The following DHX35 variants were observed in gnomAD, a reference collection of about 807,000 sequenced individuals.
DHX35 encodes DEAH-box helicase 35.
In DHX35, 84 loss-of-function variants were observed where a neutral mutation model predicts 99.6. The ratio of observed to expected loss-of-function variants is 0.84; its 90% confidence interval spans 0.71 to 1.01. DHX35 has a LOEUF of 1.01. Ranked by LOEUF, DHX35 falls within the 50% of genes least tolerant of loss-of-function variation. The pLI is 0.00. For synonymous variants in DHX35, 331 were observed against 316.2 expected (o/e 1.05, Z -0.50); for missense variants, 852 against 888.5 (o/e 0.96, Z 0.52).
intron 20 of DHX35, among the ~76,000 whole-genome samples, chr20:39,032,949 G>C (rs570378336): frequency 6.6e-6 from 1 of 152,294 alleles, no homozygotes; most frequent in East Asian, 1.9e-4. Flanking sequence ...ACGCACACTC[G>C]TGTGCAGGAT....
rs138208319 is a variant in DHX35 at position 39,009,800 on chromosome 20, A to G, written c.1223-480A>G. ...TTTGGGGCAGCATTGGATTCTGGGA[A>G]TGATATTGTGTACCTGGCTTGTTGA... On this transcript the variant is annotated intron_variant, in intron 12 of 21. Coordinates refer to ENST00000252011, the MANE Select transcript of DHX35 (RefSeq NM_021931.4). 9.2e-5 allele frequency among the ~76,000 whole-genome samples: 14 copies of G among 152,262 alleles called. No individual in the cohort carries two copies. The East Asian group carries it at 2.3e-3, about 25-fold the overall frequency.
chr20:39,016,991 G>T (rs980382250), intron 14 of DHX35, among the ~76,000 whole-genome samples: 1 of 148,744 alleles, frequency 6.7e-6, no homozygotes, highest in Non-Finnish European at 1.5e-5. Flanking sequence ...TTACTTACAT[G>T]TACTTACTTT....
At chr20:39,036,726 C>CCAAAAA (rs1568767834) in intron 21 of DHX35, among the ~76,000 whole-genome samples, 2 of 51,664 alleles carry the variant, frequency 3.9e-5, no homozygotes, top group African/African-American at 1.6e-4. Flanking sequence ...ACTGTCCCCC[C>CCAAAAA]AAAAAAAAAA....
chr20:38,987,367 C>T (rs761248182), intron 4 of DHX35, among the ~76,000 whole-genome samples: 4 of 152,084 alleles, frequency 2.6e-5, no homozygotes, highest in Non-Finnish European at 4.4e-5. Context: ...CAGCCTCCTG[C>T]GAGTAGCTGG....
rs754752451 is a variant in DHX35, at chr20:39,018,802, A to C, written c.1403-2A>C. On this transcript the variant is annotated splice_acceptor_variant, in intron 14 of 21. Transcript: ENST00000252011. LOFTEE classifies it high-confidence loss of function. ...TGATTTCTTTTGTTGTTCTTATGGC[A>C]GGTCTGGACAAAGACTGTCGCCTAA... The C allele has an allele frequency of 6.2e-7, 1 of 1,613,576 alleles. No homozygotes were observed. The highest frequency in any genetic ancestry group is 1.3e-5 in the African/African-American group (1 of 74,988).
At chr20:39,035,462 A>G (rs1005315314) in intron 21 of DHX35, among the ~76,000 whole-genome samples, 18 of 152,260 alleles carry the variant, frequency 1.2e-4, no homozygotes, top group African/African-American at 4.3e-4. Context: ...TGTTTACAGC[A>G]GAAGAGAAAG....
intron 8 of DHX35, among the ~76,000 whole-genome samples, chr20:38,999,522 C>G (rs537681569): frequency 1.3e-5 from 2 of 152,322 alleles, no homozygotes; most frequent in South Asian, 2.1e-4. Flanking sequence ...ATCTCAGTCT[C>G]TTTCTCATGA....
rs762045826 is a variant in DHX35 at position 39,010,369 on chromosome 20, G to T, written c.1312G>T (p.Gly438Ter). Residue 438 changes from glycine to a stop codon, truncating the protein, a stop_gained, in exon 13 of 22, where the codon GGA becomes TGA. Transcript: ENST00000252011. LOFTEE classifies it high-confidence loss of function. Reference sequence around the variant, plus strand: ...TGTCATCCTGCAGCTGAAAGCACTAGGAATTGACAATGTCCTCAGGTTCCA... The same window carrying T: ...TGTCATCCTGCAGCTGAAAGCACTATGAATTGACAATGTCCTCAGGTTCCA... ...APVILQLKAL[G>*]IDNVLRFHFM... The T allele has an allele frequency of 1.2e-6, 2 of 1,614,178 alleles. No individual in the cohort carries two copies. Among genetic ancestry groups the T allele is most frequent in the Non-Finnish European group, 1.7e-6 (2 of 1,180,018 alleles).
intron 3 of DHX35, among the ~76,000 whole-genome samples, chr20:38,974,272 T>A (rs563829516): frequency 6.6e-6 from 1 of 152,332 alleles, no homozygotes; most frequent in African/African-American, 2.4e-5. Flanking sequence ...AAGGATGGTG[T>A]AACGGGGTCC....
chr20:39,021,749 T>C, intron 15 of DHX35, 92 bp from the exon 16 acceptor site: 1 of 1,236,162 alleles, frequency 8.1e-7, no homozygotes, highest in Non-Finnish European at 1.2e-6. Flanking sequence ...ATCTTAGTCT[T>C]CAGTGTGGTG....
intron 13 of DHX35, among the ~76,000 whole-genome samples, chr20:39,011,034 T>G (rs1489010087): frequency 6.6e-6 from 1 of 152,174 alleles, no homozygotes; most frequent in Non-Finnish European, 1.5e-5. Flanking sequence ...CTGATTTGAT[T>G]GGCCAGAGAG....
intron 21 of DHX35, among the ~76,000 whole-genome samples, chr20:39,034,774 CTTTTTTTT>C (rs59858652): frequency 7.4e-6 from 1 of 135,114 alleles, no homozygotes; most frequent in Non-Finnish European, 1.6e-5. Flanking sequence ...TTTCTTTTTT[CTTTTTTTT>C]TTTTTTGTAT....
chr20:38,977,846 CTTTTGTGCATTTT>C (rs2086105655), intron 3 of DHX35: 2 of 560,080 alleles, frequency 3.6e-6, no homozygotes, highest in Non-Finnish European at 6.9e-6. Flanking sequence ...TCTGATTTGA[CTTTTGTGCATTTT>C]TTGGCTGGAG....
intron 1 of DHX35, among the ~76,000 whole-genome samples, chr20:38,966,314 G>A (rs975655199): frequency 1.3e-5 from 2 of 152,238 alleles, no homozygotes; most frequent in Non-Finnish European, 2.9e-5. Context: ...GTTCTGGTTT[G>A]GTTGAAGGAA....
intron 1 of DHX35, 61 bp from the exon 2 acceptor site, chr20:38,969,012 TTTATAAAC>T (rs1196507284): frequency 7.5e-6 from 11 of 1,475,102 alleles, no homozygotes; most frequent in Non-Finnish European, 9.1e-6. Flanking sequence ...TCTTTGAAAG[TTTATAAAC>T]TTAACACCTT....
chr20:38,963,034 C>T (rs1471290793), intron 1 of DHX35: 1 of 152,442 alleles, frequency 6.6e-6, no homozygotes, highest in Non-Finnish European at 1.5e-5. Context: ...TTGTCCACTC[C>T]GAATGTCTAC....
Position 39,039,289 on chromosome 20 carries a change from A to G in DHX35, c.*746A>G, listed in dbSNP as rs1256159910. On this transcript the variant is annotated 3_prime_UTR_variant, in exon 22 of 22. Coordinates refer to ENST00000252011, the MANE Select transcript of DHX35 (RefSeq NM_021931.4). ...AGCTGAGCACTCAGGAGAGTTCATCAGCTCAGATCCCACAGGGCCTCCTCT... is the reference window on the plus strand; with the variant it reads ...AGCTGAGCACTCAGGAGAGTTCATCGGCTCAGATCCCACAGGGCCTCCTCT... 1 of 152,704 alleles carries G rather than the reference A, an allele frequency of 6.5e-6. No homozygotes were observed. The highest frequency in any genetic ancestry group is 1.5e-5 in the Non-Finnish European group (1 of 68,064). 9.5% of individuals were successfully genotyped at this position (152,704 alleles called of 1,614,324 possible). A position where few individuals can be genotyped will look rare whatever the true frequency, so the allele number is the denominator to read the frequency against.
intron 4 of DHX35, among the ~76,000 whole-genome samples, chr20:38,985,024 T>C (rs748182442): frequency 3.9e-5 from 6 of 152,154 alleles, no homozygotes; most frequent in African/African-American, 1.4e-4. Flanking sequence ...GATCACTGTG[T>C]AGAAGTCTGA....
chr20:39,029,872 C>T (rs1448694182), intron 19 of DHX35: 1 of 152,054 alleles, frequency 6.6e-6, no homozygotes, highest in South Asian at 2.1e-4. Context: ...ACAATGCCGA[C>T]GAGGCATTCC....
Sources: gnomAD v4.1 joint callset for allele counts (sites outside exome capture counted in the v4.1 genomes callset) on GRCh38, gnomAD v4.1.1 for gene constraint, MANE v1.5 for transcripts, NCBI Gene and HGNC (gene_info 2026-07-23, HGNC 2026-07-21) for gene names.